The following COL8A1 variants were observed in gnomAD, a reference collection of about 807,000 sequenced individuals.
COL8A1 encodes collagen alpha-1(VIII) chain.
Under a neutral mutation model 42.7 loss-of-function variants are expected in COL8A1, and 21 were observed. The ratio of observed to expected loss-of-function variants is 0.49; its 90% CI spans 0.35 to 0.71. COL8A1 has a LOEUF of 0.71. Ranked by LOEUF, COL8A1 falls within the 30% of genes least tolerant of loss-of-function variation. The pLI is 0.01. For missense variants in COL8A1, 788 were observed against 962.4 expected, an observed-to-expected ratio of 0.82 and a Z score of 2.40; for synonymous variants, 367 against 369.1, an observed-to-expected ratio of 0.99 and a Z score of 0.06.
In COL8A1 at chr3:99,794,577, G is replaced by A; in HGVS notation, c.676G>A (p.Gly226Arg). The part of the protein sequence containing the change: ...PGQPGPKGDR[G>R]PKGLPGPQGL... The stretch of plus-strand genomic sequence containing the variant: ...GCAACCAGGACCAAAGGGTGATCGA[G>A]GACCCAAAGGACTACCAGGACCTCA... Residue 226 changes from glycine to arginine, a missense_variant, in exon 4 of 4, where the codon GGA becomes AGA. By Grantham distance (125) the Gly-to-Arg change is moderately radical. Transcript: ENST00000652472. This position sits in a 1 kb window ranked among gnomAD's most constrained non-coding sequence, Gnocchi z 4.3. The A allele has an allele frequency of 1.2e-5, 19 of 1,613,578 alleles. No homozygotes were observed. The highest frequency in any genetic ancestry group is 1.5e-5 in the Non-Finnish European group (18 of 1,179,752).
chr3:99,787,862 A>ACACC (rs1429849489), intron 2 of COL8A1, among the ~76,000 whole-genome samples: 1 of 151,046 alleles, frequency 6.6e-6, no homozygotes, highest in African/African-American at 2.5e-5. Context: ...ACAAATACAC[A>ACACC]CACACACACA....
chr3:99,652,089 C>G (rs895664361), intron 1 of COL8A1, among the ~76,000 whole-genome samples: 4 of 152,096 alleles, frequency 2.6e-5, no homozygotes, highest in African/African-American at 9.7e-5. Flanking sequence ...AAAAGAATCA[C>G]CATGTGTTTA....
chr3:99,672,732 G>A (rs1938584286), intron 1 of COL8A1, among the ~76,000 whole-genome samples: 2 of 151,720 alleles, frequency 1.3e-5, no homozygotes, highest in Non-Finnish European at 1.5e-5. Context: ...CCTTAAGCAG[G>A]GAGTCTCTGC....
At chr3:99,760,232 C>G (rs1576466231) in intron 2 of COL8A1, among the ~76,000 whole-genome samples, 1 of 152,106 alleles carries the variant, frequency 6.6e-6, no homozygotes. Context: ...TTAGCCATCT[C>G]AGAGCACGTG....
At chr3:99,730,712 C>T (rs953009863) in intron 1 of COL8A1, among the ~76,000 whole-genome samples, 10 of 152,036 alleles carry the variant, frequency 6.6e-5, no homozygotes, top group Non-Finnish European at 5.9e-5. Context: ...GAGAAGTGAA[C>T]GTTATTCATT....
At chr3:99,762,800 G>C (rs1941389393) in intron 2 of COL8A1, among the ~76,000 whole-genome samples, 1 of 152,174 alleles carries the variant, frequency 6.6e-6, no homozygotes, top group South Asian at 2.1e-4. Context: ...GCATGGTCGA[G>C]GAGTGTGGGC....
At chr3:99,669,151 G>GGAGA (rs36015819) in intron 1 of COL8A1, among the ~76,000 whole-genome samples, 66 of 114,060 alleles carry the variant, frequency 5.8e-4, no homozygotes, top group South Asian at 1.5e-3. Flanking sequence ...ATATATAGAG[G>GGAGA]GAGAGAGAGA....
In COL8A1 at chr3:99,648,286, G is replaced by A. The variant is rs182529226; in HGVS notation, c.-129+9622G>A. ...AAGTCCATGGTCTTCCTGCCCGCCT[G>A]TGCTGCTTCTCATGATGTCTTGTCC... On this transcript the variant is annotated intron_variant, in intron 1 of 3. Coordinates refer to ENST00000652472, the MANE Select transcript of COL8A1 (RefSeq NM_020351.4). Among the ~76,000 whole-genome samples the A allele has an allele frequency of 4.8e-4, 73 of 152,188 alleles. No homozygotes were observed. The Middle Eastern group carries it at 0.01, about 21-fold the overall frequency.
intron 1 of COL8A1, among the ~76,000 whole-genome samples, chr3:99,644,447 C>T (rs775839809): frequency 6.6e-6 from 1 of 152,138 alleles, no homozygotes; most frequent in East Asian, 1.9e-4. Flanking sequence ...TAGAAAGTGA[C>T]GAAGGCAGGA....
chr3:99,665,888 G>A (rs140781986), intron 1 of COL8A1, among the ~76,000 whole-genome samples: 11 of 148,394 alleles, frequency 7.4e-5, no homozygotes, highest in Admixed American at 5.4e-4. Context: ...ATGGGGTTTC[G>A]CCATGTTGGC....
intron 1 of COL8A1, among the ~76,000 whole-genome samples, chr3:99,683,080 T>C (rs537775041): frequency 6.6e-6 from 1 of 152,350 alleles, no homozygotes; most frequent in African/African-American, 2.4e-5. Context: ...CAGAATTAAA[T>C]AACATGTATG....
At chr3:99,649,053 T>A (rs1367203635) in intron 1 of COL8A1, among the ~76,000 whole-genome samples, 1 of 152,108 alleles carries the variant, frequency 6.6e-6, no homozygotes, top group Non-Finnish European at 1.5e-5. Context: ...GTTCTTGATC[T>A]TCCCTCTCTG....
chr3:99,660,283 G>A (rs1471376489), intron 1 of COL8A1, among the ~76,000 whole-genome samples: 1 of 152,044 alleles, frequency 6.6e-6, no homozygotes, highest in Non-Finnish European at 1.5e-5. Flanking sequence ...ATGATTGAAG[G>A]GGGAAAGCAT....
At chr3:99,720,725 T>C (rs1415392722) in intron 1 of COL8A1, among the ~76,000 whole-genome samples, 1 of 152,166 alleles carries the variant, frequency 6.6e-6, no homozygotes. Context: ...AATGAGCTTC[T>C]TAGTGGTCAG....
chr3:99,732,205 C>T (rs975430824), intron 1 of COL8A1, among the ~76,000 whole-genome samples: 1 of 152,118 alleles, frequency 6.6e-6, no homozygotes, highest in African/African-American at 2.4e-5. Context: ...TTAATCATCA[C>T]CATATTCAAT....
At chr3:99,664,900 T>C (rs1938317244) in intron 1 of COL8A1, among the ~76,000 whole-genome samples, 1 of 151,330 alleles carries the variant, frequency 6.6e-6, no homozygotes, top group South Asian at 2.1e-4. Flanking sequence ...AGGGGAGGAG[T>C]GCGCCTCTCC....
Position 99,798,178 on chromosome 3 carries a change from A to G in COL8A1, c.*2042A>G, listed in dbSNP as rs982312909. 6.6e-6 allele frequency: 1 copy of G among 152,238 alleles called. No individual in the cohort carries two copies. Among genetic ancestry groups the G allele is most frequent in the Non-Finnish European group, 1.5e-5 (1 of 68,036 alleles). 9.4% of individuals were successfully genotyped at this position (152,238 alleles called of 1,614,324 possible). A position where few individuals can be genotyped will look rare whatever the true frequency, so the allele number is the denominator to read the frequency against. The stretch of plus-strand genomic sequence containing the variant: ...TGGCCAATATCTCATTTCCCTATAT[A>G]GTATACAAGCACCATTTCTTCTCAA... On this transcript the variant is annotated 3_prime_UTR_variant, in exon 4 of 4. Transcript: ENST00000652472.
In COL8A1 at chr3:99,733,905, A is replaced by G. The variant is rs900921368; in HGVS notation, c.-128-10992A>G. On this transcript the variant is annotated intron_variant, in intron 1 of 3. Coordinates refer to ENST00000652472, the MANE Select transcript of COL8A1 (RefSeq NM_020351.4). ...TGCATTTCTCTGATGGCCAGTGATG[A>G]TGAGCATTTTCTCATGTGTTTTTTG... Among the ~76,000 whole-genome samples, 73 of 152,092 alleles carry G rather than the reference A, an allele frequency of 4.8e-4. 3 individuals are homozygous for G. The highest frequency in any genetic ancestry group is 3.8e-3 in the Admixed American group (58 of 15,274).
At chr3:99,746,142 T>C (rs147734115) in intron 2 of COL8A1, among the ~76,000 whole-genome samples, 82 of 152,326 alleles carry the variant, frequency 5.4e-4, no homozygotes, top group African/African-American at 1.9e-3. Flanking sequence ...GACTGCATCC[T>C]GTCTAGAATG....
Sources: allele counts gnomAD v4.1 joint callset (sites outside exome capture counted in the v4.1 genomes callset), GRCh38; gene constraint gnomAD v4.1.1; non-coding constraint Gnocchi (gnomAD v3.1); transcripts MANE v1.5; gene names NCBI Gene and HGNC (gene_info 2026-07-23, HGNC 2026-07-21).